The following C4orf50 variants were observed in gnomAD, a reference collection of about 807,000 sequenced individuals.
C4orf50 encodes the protein uncharacterized protein C4orf50.
Under a neutral mutation model 77.2 loss-of-function variants are expected in C4orf50, and 80 were observed. The ratio of observed to expected loss-of-function variants is 1.04; its 90% confidence interval spans 0.87 to 1.25. The LOEUF is 1.25. Ranked by LOEUF, C4orf50 falls within the 50% of genes most tolerant of loss-of-function variation. The pLI, the probability that C4orf50 is intolerant of heterozygous loss-of-function variation, is 0.00. For missense variants in C4orf50, 1,257 were observed against 1,152.9 expected (o/e 1.09, Z -1.31); for synonymous variants, 532 against 465.3 (o/e 1.14, Z -1.84).
At chr4:5,951,567 C>T (rs1343342945) in intron 7 of C4orf50, among the ~76,000 whole-genome samples, 1 of 152,200 alleles carries the variant, frequency 6.6e-6, no homozygotes, top group East Asian at 1.9e-4. Context: ...AAGGAAGTCA[C>T]TTTATCTATG....
intron 7 of C4orf50, among the ~76,000 whole-genome samples, chr4:5,940,608 T>C (rs1428189563): frequency 6.6e-6 from 1 of 152,214 alleles, no homozygotes; most frequent in Non-Finnish European, 1.5e-5. Context: ...GCAAAGCTGG[T>C]TGCAAGAATC....
chr4:5,956,653 A>G (rs1718973680), downstream of C4orf50: 1 of 152,266 alleles, frequency 6.6e-6, no homozygotes, highest in African/African-American at 2.4e-5. Flanking sequence ...TGATTTGCCT[A>G]AACGCCGAGG....
chr4:5,961,220 C>T (rs1391219966), intron 33 of C4orf50, among the ~76,000 whole-genome samples: 5 of 152,178 alleles, frequency 3.3e-5, no homozygotes, highest in East Asian at 1.9e-4. Flanking sequence ...AAGGCTGAGG[C>T]GGGAGAATCG....
Position 5,958,294 on chromosome 4 carries a change from G to T in C4orf50, c.*1081C>A, listed in dbSNP as rs1254758176. 1.3e-5 allele frequency: 2 copies of T among 152,104 alleles called. No individual in the cohort carries two copies. The allele number at this position is 152,104 out of a possible 1,614,324, so 9.4% of individuals were successfully genotyped here. A position where few individuals can be genotyped will look rare whatever the true frequency, so the allele number is the denominator to read the frequency against. On this transcript the variant is annotated 3_prime_UTR_variant, in exon 34 of 34. Coordinates refer to ENST00000531445, the Ensembl canonical transcript of C4orf50. This position sits in a 1 kb window ranked among gnomAD's most constrained non-coding sequence, Gnocchi z 5.4. Reference sequence around the variant, plus strand: ...CGGGGCACGAGTCTCTGTTCTCGGTGGAAGGAAGGGGTGCTGGATGGGAAC... The same window carrying T: ...CGGGGCACGAGTCTCTGTTCTCGGTTGAAGGAAGGGGTGCTGGATGGGAAC...
At chr4:5,998,945 G>T (rs1721712991) in intron 25 of C4orf50, among the ~76,000 whole-genome samples, 1 of 152,182 alleles carries the variant, frequency 6.6e-6, no homozygotes, top group Non-Finnish European at 1.5e-5. Flanking sequence ...CCCCACATCA[G>T]GGTTTGTCCT....
chr4:5,932,531 G>T lies in C4orf50; in HGVS notation c.*2474+24370C>A, dbSNP rs1717813204. Among the ~76,000 whole-genome samples, 2 of 152,164 alleles carry T rather than the reference G, an allele frequency of 1.3e-5. No individual in the cohort carries two copies. The highest frequency in any genetic ancestry group is 4.8e-5 in the African/African-American group (2 of 41,432). On this transcript the variant is annotated intron_variant, in intron 7 of 7. Transcript: ENST00000324058. This position sits in a 1 kb window ranked among gnomAD's most constrained non-coding sequence, Gnocchi z 4.2. ...GTTCACTGCAGCCTCGACCTCCCAG[G>T]CTCAATTGATCCTCCCGCCTCAGCC...
intron 31 of C4orf50, among the ~76,000 whole-genome samples, chr4:5,972,159 C>G (rs1719965150): frequency 6.6e-6 from 1 of 152,072 alleles, no homozygotes; most frequent in African/African-American, 2.4e-5. Flanking sequence ...CACATGCCAC[C>G]ACGCCTAGCT....
intron 25 of C4orf50, among the ~76,000 whole-genome samples, chr4:5,995,740 T>G (rs1290088484): frequency 6.6e-6 from 1 of 152,208 alleles, no homozygotes; most frequent in South Asian, 2.1e-4. Context: ...AAATGTTTCA[T>G]CATTGGGTGG....
chr4:5,991,029 C>T (rs1238482270), intron 27 of C4orf50, among the ~76,000 whole-genome samples: 1 of 152,214 alleles, frequency 6.6e-6, no homozygotes. Context: ...CCCCTAGATG[C>T]CCTCATGGCT....
chr4:5,955,200 C>T (rs917763266), downstream of C4orf50, among the ~76,000 whole-genome samples: 16 of 152,274 alleles, frequency 1.1e-4, no homozygotes, highest in Admixed American at 2.0e-4. The surrounding 1 kb of genome is among the most constrained non-coding windows in gnomAD (Gnocchi z 5.1). Context: ...CTAAGCATGT[C>T]GCAGGGCCCT....
At chr4:5,934,260 C>T (rs763007809) in intron 7 of C4orf50, among the ~76,000 whole-genome samples, 11 of 152,166 alleles carry the variant, frequency 7.2e-5, no homozygotes, top group Admixed American at 1.3e-4. Context: ...TGAAACTCCA[C>T]GACCACCCAC....
At chr4:5,969,493 G>A (rs905506709) in intron 31 of C4orf50, among the ~76,000 whole-genome samples, 1 of 151,362 alleles carries the variant, frequency 6.6e-6, no homozygotes, top group African/African-American at 2.4e-5. Flanking sequence ...GGTAAAATGA[G>A]CATCTTCCTT....
At chr4:5,911,528 C>T (rs1438574354) in intron 7 of C4orf50, among the ~76,000 whole-genome samples, 1 of 152,216 alleles carries the variant, frequency 6.6e-6, no homozygotes, top group Non-Finnish European at 1.5e-5. Flanking sequence ...GCCTGGTTCC[C>T]TGGCTGCCTA....
Position 5,988,863 on chromosome 4 carries a change from C to G in C4orf50, c.3183G>C (p.Ser1061=), listed in dbSNP as rs747268496. Residue 1061 remains serine (S), a synonymous_variant, in exon 28 of 34, where the codon TCG becomes TCC. Coordinates refer to ENST00000531445, the Ensembl canonical transcript of C4orf50. Reference sequence around the variant, plus strand: ...GCTCTTTATAACTGACGCCAAGCTCCGAGATCAGTGTCTGGAGCTTCCAGT... The same window carrying G: ...GCTCTTTATAACTGACGCCAAGCTCGGAGATCAGTGTCTGGAGCTTCCAGT... 3.3e-6 allele frequency: 5 copies of G among 1,535,930 alleles called. No homozygotes were observed. In the African/African-American group the frequency reaches 6.8e-5, roughly 21 times the overall value.
intron 7 of C4orf50, among the ~76,000 whole-genome samples, chr4:5,931,563 GC>G (rs1717768837): frequency 6.6e-6 from 1 of 152,154 alleles, no homozygotes; most frequent in South Asian, 2.1e-4. Context: ...CCTGCCCTCT[GC>G]CCTTCTAGAC....
chr4:5,997,242 C>T (rs1469747677), intron 25 of C4orf50, among the ~76,000 whole-genome samples: 1 of 152,174 alleles, frequency 6.6e-6, no homozygotes, highest in East Asian at 1.9e-4. Flanking sequence ...TTATCATACC[C>T]AGGCTGACTT....
chr4:5,954,697 AG>A (rs2108758624), downstream of C4orf50, among the ~76,000 whole-genome samples: 1 of 152,314 alleles, frequency 6.6e-6, no homozygotes, highest in Admixed American at 6.5e-5. This position sits in a 1 kb window ranked among gnomAD's most constrained non-coding sequence, Gnocchi z 4.7. Flanking sequence ...TGGTCCAAGC[AG>A]CAGGGATGCA....
At chr4:5,933,580 T>C (rs1717860662) in intron 7 of C4orf50, among the ~76,000 whole-genome samples, 1 of 152,186 alleles carries the variant, frequency 6.6e-6, no homozygotes, top group African/African-American at 2.4e-5. Flanking sequence ...CTCATCCCCA[T>C]GTCCCTGACA....
At chr4:6,004,278 TGG>T in intron 25 of C4orf50, among the ~76,000 whole-genome samples, 1 of 72,076 alleles carries the variant, frequency 1.4e-5, no homozygotes, top group African/African-American at 5.6e-5. Flanking sequence ...GTGATGGTGA[TGG>T]TGATGTTGGT....
Sources: allele counts gnomAD v4.1 joint callset (sites outside exome capture counted in the v4.1 genomes callset), GRCh38; gene constraint gnomAD v4.1.1; non-coding constraint Gnocchi (gnomAD v3.1); transcripts MANE v1.5; gene names NCBI Gene and HGNC (gene_info 2026-07-23, HGNC 2026-07-21).